Variants in FKBP15 observed in about 807,000 individuals in gnomAD.
FKBP15 encodes FK506-binding protein 15.
A neutral mutation model predicts 158.1 loss-of-function variants in FKBP15; 106 were observed. The ratio of observed to expected loss-of-function variants is 0.67; its 90% CI spans 0.57 to 0.79. The LOEUF (loss-of-function observed/expected upper bound fraction) is 0.79, where lower values mean the gene tolerates loss of function less well. FKBP15 is among the 30% of genes least tolerant of loss of function. FKBP15 has a pLI of 0.00. For missense variants in FKBP15, 1,287 were observed against 1,479.1 expected (o/e 0.87, Z 2.13); for synonymous variants, 547 against 548.6 (o/e 1.00, Z 0.04).
At chr9:113,211,751 T>TAAA (rs1234971151) in intron 1 of FKBP15, among the ~76,000 whole-genome samples, 159 bp from the exon 2 acceptor site, 5 of 58,648 alleles carry the variant, frequency 8.5e-5, no homozygotes, top group Non-Finnish European at 1.2e-4. Context: ...GATTTAAAAA[T>TAAA]TAAAAAAAAA....
Position 113,165,709 on chromosome 9 carries a change from G to A in FKBP15, c.*369C>T. ...CCTCAGCCCAGGTCTTGTTGCCGGG[G>A]CACAGTTGAGCACTGGATTCAGGTA... On this transcript the variant is annotated 3_prime_UTR_variant, in exon 28 of 28. Transcript: ENST00000238256. 5.3e-6 allele frequency: 1 copy of A among 190,392 alleles called. No homozygotes were observed. The highest frequency in any genetic ancestry group is 1.1e-5 in the Non-Finnish European group (1 of 90,728). 11.8% of individuals were successfully genotyped at this position (190,392 alleles called of 1,614,324 possible).
At chr9:113,214,579 T>G (rs1411708899) in intron 1 of FKBP15, among the ~76,000 whole-genome samples, 1 of 152,226 alleles carries the variant, frequency 6.6e-6, no homozygotes, top group Admixed American at 6.5e-5. Context: ...TTTAGCATAA[T>G]GCCTAAGGGC....
At chr9:113,211,673 C>T in intron 1 of FKBP15, 81 bp from the exon 2 acceptor site, 1 of 968,140 alleles carries the variant, frequency 1.0e-6, no homozygotes, top group Non-Finnish European at 1.6e-6. Context: ...CATCTCCAAC[C>T]TTGAACAAAT....
At chr9:113,219,895 G>A (rs1315936353) in intron 1 of FKBP15, among the ~76,000 whole-genome samples, 4 of 152,240 alleles carry the variant, frequency 2.6e-5, no homozygotes, top group Non-Finnish European at 5.9e-5. Context: ...GTGGAACTAA[G>A]TGAATGCAGG....
intron 22 of FKBP15, among the ~76,000 whole-genome samples, chr9:113,174,159 A>C (rs1164762993): frequency 6.6e-6 from 1 of 152,094 alleles, no homozygotes; most frequent in African/African-American, 2.4e-5. Flanking sequence ...TGGCCTTACC[A>C]TGTTTGGAAT....
At position 113,171,444 on chromosome 9, in the gene FKBP15, C is replaced by T. The variant is rs546293976; in HGVS notation, c.2658+137G>A. 492 of 1,146,804 alleles carry T rather than the reference C, an allele frequency of 4.3e-4. 2 individuals carry two copies. Among genetic ancestry groups the T allele is most frequent in the Non-Finnish European group, 5.4e-4 (452 of 831,610 alleles). 71.0% of individuals were successfully genotyped at this position (1,146,804 alleles called of 1,614,324 possible). ...CGTCTCAAACAAACAAACACCAAAT[C>T]TGGTTCATTTTAAAGTCATCAGACA... On this transcript the variant is annotated intron_variant, in intron 24 of 27. Coordinates refer to ENST00000238256, the MANE Select transcript of FKBP15 (RefSeq NM_015258.2).
In FKBP15 at chr9:113,184,719, A is replaced by G. The variant is rs1320705738; in HGVS notation, c.1584T>C (p.Asp528=). The G allele has an allele frequency of 1.2e-6, 2 of 1,607,728 alleles. No homozygotes were observed. Among genetic ancestry groups the G allele is most frequent in the Non-Finnish European group, 1.7e-6 (2 of 1,176,874 alleles). The stretch of plus-strand genomic sequence containing the variant: ...CCTTAGTCATGAGATGATCCATTTT[A>G]TCAGCCACTTTGCTGACTGCCATTC... ...EIRMAVSKVA[D]KMDHLMTKVE... is the part of the protein sequence containing the mutation. Residue 528 remains aspartate (D), a synonymous_variant, in exon 16 of 28, where the codon GAT becomes GAC. Coordinates refer to ENST00000238256, the MANE Select transcript of FKBP15 (RefSeq NM_015258.2). The surrounding 1 kb of genome is among the most constrained non-coding windows in gnomAD (Gnocchi z 4.5).
At chr9:113,182,285 G>A (rs762828915) in intron 19 of FKBP15, among the ~76,000 whole-genome samples, 3 of 152,176 alleles carry the variant, frequency 2.0e-5, no homozygotes, top group Admixed American at 6.5e-5. Context: ...GCGAGCTTCA[G>A]AATCAGCAGA....
At chr9:113,177,848 ATCT>A (rs1050133523) in intron 20 of FKBP15, among the ~76,000 whole-genome samples, 4 of 152,170 alleles carry the variant, frequency 2.6e-5, no homozygotes, top group African/African-American at 9.7e-5. Flanking sequence ...GTCTTCACAA[ATCT>A]TCTATCCAAT....
At chr9:113,183,516 G>T (rs890209201) in intron 18 of FKBP15, among the ~76,000 whole-genome samples, 3 of 152,144 alleles carry the variant, frequency 2.0e-5, no homozygotes, top group African/African-American at 7.2e-5. Context: ...CAGAGCCACA[G>T]AATGAATGAG....
chr9:113,172,032 T>G (rs969055757), intron 23 of FKBP15, among the ~76,000 whole-genome samples: 5 of 147,036 alleles, frequency 3.4e-5, no homozygotes, highest in African/African-American at 1.3e-4. Flanking sequence ...CGGTGTGTGA[T>G]GTTCCCCGCC....
Position 113,207,134 on chromosome 9 carries a change from G to T in FKBP15, c.254+78C>A, listed in dbSNP as rs892690720. The T allele has an allele frequency of 7.3e-6, 8 of 1,094,884 alleles. No homozygotes were observed. In the African/African-American group the frequency reaches 1.6e-4, roughly 22 times the overall value. The allele number at this position is 1,094,884 out of a possible 1,614,324, so 67.8% of individuals were successfully genotyped here. A position where few individuals can be genotyped will look rare whatever the true frequency, so the allele number is the denominator to read the frequency against. On this transcript the variant is annotated intron_variant, in intron 3 of 27. Coordinates refer to ENST00000238256, the MANE Select transcript of FKBP15 (RefSeq NM_015258.2). ...CTAAATAACCGTTTTGCAACAAACAGAGGTTTTTCGAGAAAAAGTAGCTTA... is the reference window on the plus strand; with the variant it reads ...CTAAATAACCGTTTTGCAACAAACATAGGTTTTTCGAGAAAAAGTAGCTTA...
intron 1 of FKBP15, among the ~76,000 whole-genome samples, chr9:113,217,966 A>G (rs1831173122): frequency 6.6e-6 from 1 of 152,176 alleles, no homozygotes; most frequent in African/African-American, 2.4e-5. Context: ...ACTTGAATCT[A>G]TATTTATAAT....
Position 113,166,048 on chromosome 9 carries a change from G to C in FKBP15, c.*30C>G. On this transcript the variant is annotated 3_prime_UTR_variant, in exon 28 of 28. Coordinates refer to ENST00000238256, the MANE Select transcript of FKBP15 (RefSeq NM_015258.2). ...AAATCATGCTTAGGGAAGGGTTGCA[G>C]AGAAACCTTTGCACCAGTTTCCTGG... The C allele has an allele frequency of 6.3e-7, 1 of 1,599,394 alleles. No individual in the cohort carries two copies. The highest frequency in any genetic ancestry group is 8.5e-7 in the Non-Finnish European group (1 of 1,170,444).
Position 113,163,021 on chromosome 9 carries a change from T to G in FKBP15, c.*3057A>C. On this transcript the variant is annotated 3_prime_UTR_variant, in exon 28 of 28. Coordinates refer to ENST00000238256, the MANE Select transcript of FKBP15 (RefSeq NM_015258.2). ...TTCTTCTGATGGCTATTCCTCCACC[T>G]TATTCCCAGCCCCTGGAAACTTTGA... 1 of 1,126,666 alleles carries G rather than the reference T, an allele frequency of 8.9e-7. No individual in the cohort carries two copies. Among genetic ancestry groups the G allele is most frequent in the Non-Finnish European group, 1.2e-6 (1 of 828,926 alleles). The allele number at this position is 1,126,666 out of a possible 1,614,324, so 69.8% of individuals were successfully genotyped here. A position where few individuals can be genotyped will look rare whatever the true frequency, so the allele number is the denominator to read the frequency against.
At chr9:113,188,145 C>T (rs1830515142) in intron 13 of FKBP15, among the ~76,000 whole-genome samples, 1 of 152,166 alleles carries the variant, frequency 6.6e-6, no homozygotes, top group African/African-American at 2.4e-5. Flanking sequence ...GGAGATGTCT[C>T]AATAGCTGAG....
intron 12 of FKBP15, among the ~76,000 whole-genome samples, chr9:113,190,127 A>G (rs981601220): frequency 7.2e-5 from 11 of 152,248 alleles, no homozygotes; most frequent in Non-Finnish European, 1.0e-4. Flanking sequence ...AAAAGAATCT[A>G]AACATTCGCT....
intron 11 of FKBP15, among the ~76,000 whole-genome samples, chr9:113,193,159 G>A (rs1830606156): frequency 6.6e-6 from 1 of 152,122 alleles, no homozygotes; most frequent in Non-Finnish European, 1.5e-5. Context: ...TAAGAATCAA[G>A]ATTTGAATCC....
At chr9:113,195,750 G>C (rs2118913007) in intron 9 of FKBP15, among the ~76,000 whole-genome samples, 1 of 152,260 alleles carries the variant, frequency 6.6e-6, no homozygotes, top group South Asian at 2.1e-4. Flanking sequence ...ATTCTGGGCA[G>C]GGAACAGGTA....
Sources: allele counts gnomAD v4.1 joint callset (sites outside exome capture counted in the v4.1 genomes callset), GRCh38; gene constraint gnomAD v4.1.1; non-coding constraint Gnocchi (gnomAD v3.1); transcripts MANE v1.5; gene names NCBI Gene and HGNC (gene_info 2026-07-23, HGNC 2026-07-21).